Variants in PEAR1 observed in about 807,000 individuals in gnomAD.
PEAR1 encodes platelet endothelial aggregation receptor 1.
A neutral mutation model predicts 131.2 loss-of-function variants in PEAR1; 113 were observed. That is an observed-to-expected ratio of 0.86 (90% CI 0.74 to 1.01). The LOEUF is 1.01. PEAR1 is among the 50% of genes least tolerant of loss of function. The pLI, the probability that PEAR1 is intolerant of heterozygous loss-of-function variation, is 0.00. For missense variants in PEAR1, 1,408 were observed against 1,391.1 expected, an observed-to-expected ratio of 1.01 and a Z score of -0.19; for synonymous variants, 565 against 523.3, an observed-to-expected ratio of 1.08 and a Z score of -1.09.
chr1:156,910,758 G>A lies in PEAR1; in HGVS notation c.1951+15G>A, dbSNP rs1488414259. ...CTGCTCCCAGCGTATGTGGTAGCTT[G>A]TGTGTCTGAGCATACGTGCATGCTG... On this transcript the variant is annotated intron_variant, in intron 15 of 22. Coordinates refer to ENST00000292357, the MANE Select transcript of PEAR1 (RefSeq NM_001080471.3). 6.2e-7 allele frequency: 1 copy of A among 1,613,862 alleles called. No homozygotes were observed. Among genetic ancestry groups the A allele is most frequent in the Admixed American group, 1.7e-5 (1 of 59,998 alleles).
At position 156,908,234 on chromosome 1, in the gene PEAR1, G is replaced by C. The variant is rs1384810854; in HGVS notation, c.1009G>C (p.Glu337Gln). Reference sequence around the variant, plus strand: ...CCCGGCCAACGGCGCATGTCTGTGCGAACACGGCTTCACTGGGGACCGCTG... The same window carrying C: ...CCCGGCCAACGGCGCATGTCTGTGCCAACACGGCTTCACTGGGGACCGCTG... ...CFPANGACLCEHGFTGDRCTD... is the reference protein window; with the variant it reads ...CFPANGACLCQHGFTGDRCTD... Residue 337 changes from glutamate to glutamine, a missense_variant, in exon 9 of 23, where the codon GAA becomes CAA. Transcript: ENST00000292357. This position sits in a 1 kb window ranked among gnomAD's most constrained non-coding sequence, Gnocchi z 4.2. The C allele has an allele frequency of 2.5e-6, 4 of 1,600,760 alleles. No homozygotes were observed. Among genetic ancestry groups the C allele is most frequent in the South Asian group, 1.1e-5 (1 of 89,658 alleles).
Position 156,904,099 on chromosome 1 carries a change from G to T in PEAR1, c.101+72G>T, listed in dbSNP as rs554675709. On this transcript the variant is annotated intron_variant, in intron 2 of 22. Transcript: ENST00000292357. Reference sequence around the variant, plus strand: ...CGATTGTCCCTATTGTCCCTACTGGGGTCCTTTTCTTGGTCCTTCCTTAAT... The same window carrying T: ...CGATTGTCCCTATTGTCCCTACTGGTGTCCTTTTCTTGGTCCTTCCTTAAT... The T allele has an allele frequency of 5.1e-4, 657 of 1,287,356 alleles. 3 individuals are homozygous for T. Among genetic ancestry groups the T allele is most frequent in the Non-Finnish European group, 6.8e-4 (604 of 888,984 alleles). The allele number at this position is 1,287,356 out of a possible 1,614,324, so 79.7% of individuals were successfully genotyped here. A position where few individuals can be genotyped will look rare whatever the true frequency, so the allele number is the denominator to read the frequency against.
In PEAR1 at chr1:156,904,811, C is replaced by T. The variant is rs143943207; in HGVS notation, c.165C>T (p.Cys55=). The change falls in exon 3 of 23, where the codon TGC becomes TGT. Residue 55 remains cysteine (C), a synonymous_variant. Transcript: ENST00000292357. ...RPFSLLPSEP[C]ERPWEGPHTC... The stretch of plus-strand genomic sequence containing the variant: ...TCAGCCTGCTCCCCTCAGAGCCCTG[C>T]GAGCGGCCCTGGGAGGGCCCCCATA... The T allele has an allele frequency of 1.2e-4, 200 of 1,613,868 alleles. No individual in the cohort carries two copies. In the African/African-American group the frequency reaches 1.7e-3, roughly 13 times the overall value.
Position 156,913,206 on chromosome 1 carries a change from G to C in PEAR1, c.2435G>C (p.Ser812Thr). The C allele has an allele frequency of 6.2e-7, 1 of 1,613,636 alleles. No individual in the cohort carries two copies. The highest frequency in any genetic ancestry group is 8.5e-7 in the Non-Finnish European group (1 of 1,179,798). Residue 812 changes from serine (S) to threonine (T), a missense_variant, in exon 19 of 23, where the codon AGC (serine) becomes ACC (threonine). Ser to Thr is a moderately conservative substitution (Grantham distance 58, BLOSUM62 1). Coordinates refer to ENST00000292357, the MANE Select transcript of PEAR1 (RefSeq NM_001080471.3). Reference sequence around the variant, plus strand: ...GTCTGTCATGCAGATGTCCCTCCGAGCTACAGTCACTACTACTCCAACCCC... The same window carrying C: ...GTCTGTCATGCAGATGTCCCTCCGACCTACAGTCACTACTACTCCAACCCC... ...SEYVMPDVPPSYSHYYSNPSY... is the reference protein window; with the variant it reads ...SEYVMPDVPPTYSHYYSNPSY...
rs774761308 is a variant in PEAR1 at position 156,908,765 on chromosome 1, T to C, written c.1226T>C (p.Leu409Pro). Residue 409 changes from leucine (L) to proline (P), a missense_variant, in exon 10 of 23, where the codon CTC (leucine) becomes CCC (proline). Leu to Pro is a moderately conservative substitution (Grantham distance 98). Coordinates refer to ENST00000292357, the MANE Select transcript of PEAR1 (RefSeq NM_001080471.3). The surrounding 1 kb of genome is among the most constrained non-coding windows in gnomAD (Gnocchi z 4.2). ...GGGCCAGGGTGCCAGGAGCACTGTC[T>C]CTGCCTGCACGGTGGCGTCTGCCAG... ...THGPGCQEHC[L>P]CLHGGVCQAT... The C allele has an allele frequency of 2.5e-6, 4 of 1,594,104 alleles. No homozygotes were observed. Among genetic ancestry groups the C allele is most frequent in the Admixed American group, 1.7e-5 (1 of 57,638 alleles).
Position 156,914,886 on chromosome 1 carries a change from C to T in PEAR1, c.*88C>T. 2 of 1,455,530 alleles carry T rather than the reference C, an allele frequency of 1.4e-6. No homozygotes were observed. Among genetic ancestry groups the T allele is most frequent in the Non-Finnish European group, 1.9e-6 (2 of 1,068,532 alleles). 90.2% of individuals were successfully genotyped at this position (1,455,530 alleles called of 1,614,324 possible). On this transcript the variant is annotated 3_prime_UTR_variant, in exon 23 of 23. Transcript: ENST00000292357. ...GAGCCTAGTGTACCCCTGCCAGGAGCAGGGAGTGGACCGGCAGGCTGTGAA... is the reference window on the plus strand; with the variant it reads ...GAGCCTAGTGTACCCCTGCCAGGAGTAGGGAGTGGACCGGCAGGCTGTGAA...
Position 156,903,979 on chromosome 1 carries a change from C to A in PEAR1, c.53C>A (p.Ala18Asp). Reference sequence around the variant, plus strand: ...CTCCTGGCTGTGGGCCTGCGGCTGGCTGGAACTCTCAACCCCAGTGATCCC... The same window carrying A: ...CTCCTGGCTGTGGGCCTGCGGCTGGATGGAACTCTCAACCCCAGTGATCCC... ...LLLLAVGLRL[A>D]GTLNPSDPNT... Residue 18 changes from alanine to aspartate, a missense_variant, in exon 2 of 23, where the codon GCT becomes GAT. By Grantham distance (126) the Ala-to-Asp change is moderately radical. Coordinates refer to ENST00000292357, the MANE Select transcript of PEAR1 (RefSeq NM_001080471.3). The A allele has an allele frequency of 6.2e-7, 1 of 1,614,098 alleles. No homozygotes were observed. Among genetic ancestry groups the A allele is most frequent in the South Asian group, 1.1e-5 (1 of 91,084 alleles).
At chr1:156,906,590 A>G (rs775424632) in intron 5 of PEAR1, 47 bp from the exon 6 acceptor site, 2 of 1,607,826 alleles carry the variant, frequency 1.2e-6, no homozygotes, top group Non-Finnish European at 1.7e-6. Flanking sequence ...GAGGCTGGGG[A>G]TGGACTAGAC....
chr1:156,908,960 C>A lies in PEAR1; in HGVS notation c.1335C>A (p.Val445=). Residue 445 remains valine (V), a synonymous_variant, in exon 11 of 23, where the codon GTC becomes GTA. Coordinates refer to ENST00000292357, the MANE Select transcript of PEAR1 (RefSeq NM_001080471.3). This position sits in a 1 kb window ranked among gnomAD's most constrained non-coding sequence, Gnocchi z 4.2. ...TTTGTCCTCCTGACACCTACGGTGT[C>A]AACTGTTCTGCACGCTGCTCATGTG... ...ASLCPPDTYG[V]NCSARCSCEN... The A allele has an allele frequency of 6.2e-7, 1 of 1,614,010 alleles. No homozygotes were observed. Among genetic ancestry groups the A allele is most frequent in the South Asian group, 1.1e-5 (1 of 91,062 alleles).
chr1:156,912,735 G>C, intron 17 of PEAR1, 35 bp from the exon 18 acceptor site: 1 of 1,613,444 alleles, frequency 6.2e-7, no homozygotes, highest in Non-Finnish European at 8.5e-7. Context: ...GCAGAGCCAA[G>C]ATGCCATTCT....
rs78436112 is a variant in PEAR1 at position 156,905,082 on chromosome 1, T to TGG, written c.207-233_207-232dup. ...ATGTTACAGTATATGCCTGTGGGGT[T>TGG]GGGGGGGGGGCAAGAAGGGAATGCT... On this transcript the variant is annotated intron_variant, in intron 3 of 22. Transcript: ENST00000292357. The TGG allele has an allele frequency of 2.0e-3, 1,725 of 880,296 alleles. 17 individuals are homozygous for TGG. The African/African-American group carries it at 0.026, about 13-fold the overall frequency. The allele number at this position is 880,296 out of a possible 1,614,324, so 54.5% of individuals were successfully genotyped here.
At chr1:156,912,454 C>T (rs368051949) in intron 16 of PEAR1, 40 bp from the exon 17 acceptor site, 79 of 1,604,304 alleles carry the variant, frequency 4.9e-5, no homozygotes, top group Middle Eastern at 1.7e-4. Flanking sequence ...AGTTTCCTGG[C>T]GGCTCTGATG....
At chr1:156,903,248 G>T (rs1649864719) in intron 1 of PEAR1, among the ~76,000 whole-genome samples, 1 of 152,124 alleles carries the variant, frequency 6.6e-6, no homozygotes, top group Non-Finnish European at 1.5e-5. Flanking sequence ...TATAGAGCAG[G>T]AAACCCCTGA....
In PEAR1 at chr1:156,902,899, G is replaced by A. The variant is rs1032134452; in HGVS notation, c.-9-1019G>A. On this transcript the variant is annotated intron_variant, in intron 1 of 22. Coordinates refer to ENST00000292357, the MANE Select transcript of PEAR1 (RefSeq NM_001080471.3). The surrounding 1 kb of genome is among the most constrained non-coding windows in gnomAD (Gnocchi z 4.3). Reference sequence around the variant, plus strand: ...TGGGGATGGAGAGGACCCCATTTCCGAATGGCTGACAGGGCAGTCTGAGGG... The same window carrying A: ...TGGGGATGGAGAGGACCCCATTTCCAAATGGCTGACAGGGCAGTCTGAGGG... Among the ~76,000 whole-genome samples the A allele has an allele frequency of 6.6e-6, 1 of 152,086 alleles. No homozygotes were observed. Among genetic ancestry groups the A allele is most frequent in the Non-Finnish European group, 1.5e-5 (1 of 68,018 alleles).
chr1:156,906,413 G>T lies in PEAR1; in HGVS notation c.400+45G>T, dbSNP rs374804353. ...AGGGAGTGGCCTCTTGTGCCTTCAGGGCCACAGGACCCTCAGGTACACCCT... is the reference window on the plus strand; with the variant it reads ...AGGGAGTGGCCTCTTGTGCCTTCAGTGCCACAGGACCCTCAGGTACACCCT... On this transcript the variant is annotated intron_variant, in intron 5 of 22. Transcript: ENST00000292357. 29 of 1,605,544 alleles carry T rather than the reference G, an allele frequency of 1.8e-5. No individual in the cohort carries two copies. The African/African-American group carries it at 3.7e-4, about 21-fold the overall frequency.
At position 156,904,670 on chromosome 1, in the gene PEAR1, C is replaced by T. The variant is rs1328923964; in HGVS notation, c.102-78C>T. The T allele has an allele frequency of 2.1e-5, 29 of 1,403,698 alleles. 1 individual carries two copies. The highest frequency in any genetic ancestry group is 1.8e-5 in the Non-Finnish European group (18 of 1,027,592). 87.0% of individuals were successfully genotyped at this position (1,403,698 alleles called of 1,614,324 possible). A position where few individuals can be genotyped will look rare whatever the true frequency, so the allele number is the denominator to read the frequency against. ...CTGTGGATTCCCCACTGTGGCCAAG[C>T]CCTCATGGCCATTTTCCCGTTGTGG... On this transcript the variant is annotated intron_variant, in intron 2 of 22. Transcript: ENST00000292357.
chr1:156,909,726 C>T (rs111725796), intron 11 of PEAR1, 25 bp from the exon 12 acceptor site: 5 of 1,575,722 alleles, frequency 3.2e-6, no homozygotes, highest in South Asian at 1.2e-5. Flanking sequence ...GGTCCCCATA[C>T]CTACCTACCA....
In PEAR1 at chr1:156,907,633, G is replaced by A; in HGVS notation, c.668G>A (p.Gly223Asp). ...GPSCDVSCSQ[G>D]TSGFFCPSTH... ...AGCTGTGACGTGTCCTGTTCCCAGG[G>A]CACTTCTGGCTTCTTCTGCCCCAGC... The change falls in exon 7 of 23, where the codon GGC becomes GAC. Residue 223 changes from glycine (G) to aspartate (D), a missense_variant. By Grantham distance (94) the Gly-to-Asp change is moderately conservative. Coordinates refer to ENST00000292357, the MANE Select transcript of PEAR1 (RefSeq NM_001080471.3). The A allele has an allele frequency of 1.2e-6, 2 of 1,613,826 alleles. No homozygotes were observed. The highest frequency in any genetic ancestry group is 1.7e-6 in the Non-Finnish European group (2 of 1,179,804).
chr1:156,904,655 C>T, intron 2 of PEAR1, 93 bp from the exon 3 acceptor site: 1 of 1,289,032 alleles, frequency 7.8e-7, no homozygotes. Context: ...CTGTGGATTC[C>T]CCACTGTGGC....
Sources: gnomAD v4.1 joint callset for allele counts (sites outside exome capture counted in the v4.1 genomes callset) on GRCh38, gnomAD v4.1.1 for gene constraint, Gnocchi (gnomAD v3.1) non-coding constraint, MANE v1.5 for transcripts, NCBI Gene and HGNC (gene_info 2026-07-23, HGNC 2026-07-21) for gene names.